Variants in GSE1 observed in about 807,000 individuals in gnomAD.
The protein encoded by GSE1 is genetic suppressor element 1.
A neutral mutation model predicts 112.6 loss-of-function variants in GSE1; 32 were observed. The ratio of observed to expected loss-of-function variants is 0.28; its 90% CI spans 0.21 to 0.38. The LOEUF is 0.38. Among genes scored for constraint, GSE1 ranks in the 10% least tolerant of loss-of-function variants. GSE1 has a pLI of 1.00. For synonymous variants in GSE1, 1,115 were observed against 735.6 expected (o/e 1.52, Z -8.35); for missense variants, 2,348 against 1,699.2 (o/e 1.38, Z -6.71).
At position 85,519,502 on chromosome 16, in the gene GSE1, ATCACCGGTCTCCATCATCATCACCT is replaced by A. The variant is rs1347658306; in HGVS notation, c.2465-114406_2465-114382del. Among the ~76,000 whole-genome samples, 2 of 6,460 alleles carry A rather than the reference ATCACCGGTCTCCATCATCATCACCT, an allele frequency of 3.1e-4. 1 individual carries two copies. The highest frequency in any genetic ancestry group is 4.7e-4 in the Non-Finnish European group (2 of 4,280). The allele number at this position is 6,460 out of a possible 152,430, so 4.2% of individuals were successfully genotyped here. ...TACCACCATCACTATCATCATCACCATCACCGGTCTCCATCATCATCACCTTCACCACCATCATCACTATTACCAC... is the reference window on the plus strand; with the variant it reads ...TACCACCATCACTATCATCATCACCATCACCACCATCATCACTATTACCAC... On this transcript the variant is annotated intron_variant, in intron 2 of 2. Coordinates refer to the GSE1 transcript ENST00000637419.
chr16:85,550,051 C>G (rs1047294798), intron 2 of GSE1, among the ~76,000 whole-genome samples: 3 of 152,210 alleles, frequency 2.0e-5, no homozygotes, highest in African/African-American at 7.2e-5. Context: ...CTCATGGAGT[C>G]TCTGTGTGCC....
chr16:85,655,943 C>G (rs751369408), intron 6 of GSE1, 26 bp downstream of exon 6: 5 of 1,562,512 alleles, frequency 3.2e-6, no homozygotes, highest in Admixed American at 1.7e-5. Flanking sequence ...GCCGAGGAGC[C>G]CCTCTGCCCT....
chr16:85,336,687 C>T (rs1296522633), intron 1 of GSE1, among the ~76,000 whole-genome samples: 2 of 152,028 alleles, frequency 1.3e-5, no homozygotes, highest in Non-Finnish European at 2.9e-5. Context: ...CTGCACCCTC[C>T]GCCTCCTCAG....
intron 2 of GSE1, chr16:85,462,946 C>T (rs2151827461): frequency 5.2e-6 from 1 of 194,120 alleles, no homozygotes; most frequent in South Asian, 1.8e-4. Flanking sequence ...CCCGGGGCTC[C>T]ATCCCCGTCT....
upstream of GSE1, among the ~76,000 whole-genome samples, chr16:85,610,136 G>A (rs1489316288): frequency 6.6e-6 from 1 of 152,208 alleles, no homozygotes; most frequent in Non-Finnish European, 1.5e-5. Flanking sequence ...GGGGCCTCAG[G>A]GTGTGAGCAA....
intron 2 of GSE1, among the ~76,000 whole-genome samples, chr16:85,529,349 G>A (rs1410986262): frequency 6.6e-6 from 1 of 152,210 alleles, no homozygotes; most frequent in Non-Finnish European, 1.5e-5. Flanking sequence ...GGCCTCAGCA[G>A]GCCTCAGCCT....
intron 1 of GSE1, among the ~76,000 whole-genome samples, chr16:85,332,910 C>T (rs544699179): frequency 2.6e-5 from 4 of 152,094 alleles, no homozygotes; most frequent in Admixed American, 1.3e-4. Flanking sequence ...CCCCTTTATC[C>T]CCTGTACCAG....
intron 2 of GSE1, among the ~76,000 whole-genome samples, chr16:85,486,388 CT>C (rs1259140182): frequency 1.3e-5 from 2 of 152,248 alleles, no homozygotes; most frequent in Non-Finnish European, 2.9e-5. Flanking sequence ...GGACCCTCCC[CT>C]GTTCTCCCCG....
At position 85,232,354 on chromosome 16, in the gene GSE1, C is replaced by G. The variant is rs1036681202; in HGVS notation, c.2283+60547C>G. On this transcript the variant is annotated intron_variant, in intron 1 of 2. Coordinates refer to the GSE1 transcript ENST00000637419. ...CTTGACATCTACTCCCCTCGGACCT[C>G]CACCTTCCCAGGGGGAGGATGGGAA... is the stretch of plus-strand genomic sequence containing the variant. 2.0e-5 allele frequency among the ~76,000 whole-genome samples: 3 copies of G among 152,166 alleles called. No homozygotes were observed. In the South Asian group the frequency reaches 6.2e-4, roughly 32 times the overall value.
At chr16:85,316,543 G>A (rs2151491697) in intron 1 of GSE1, among the ~76,000 whole-genome samples, 1 of 152,308 alleles carries the variant, frequency 6.6e-6, no homozygotes, top group Non-Finnish European at 1.5e-5. Context: ...TCCCACTGGG[G>A]GAGGAGTCAC....
intron 2 of GSE1, among the ~76,000 whole-genome samples, chr16:85,516,013 A>G (rs1480874415): frequency 6.6e-6 from 1 of 152,132 alleles, no homozygotes; most frequent in Non-Finnish European, 1.5e-5. Flanking sequence ...GAGGAATAAA[A>G]TGCCAGTGCC....
chr16:85,321,738 C>T (rs868689780), intron 1 of GSE1, among the ~76,000 whole-genome samples: 1 of 151,002 alleles, frequency 6.6e-6, no homozygotes, highest in Non-Finnish European at 1.5e-5. Context: ...CGCTTGAGCC[C>T]AGGACTTTTG....
chr16:85,233,535 CAT>C (rs890991125), intron 1 of GSE1, among the ~76,000 whole-genome samples: 1 of 152,188 alleles, frequency 6.6e-6, no homozygotes, highest in African/African-American at 2.4e-5. Flanking sequence ...TTCATGCACA[CAT>C]GTTGTACAGT....
At chr16:85,332,963 A>AC (rs1210224694) in intron 1 of GSE1, among the ~76,000 whole-genome samples, 1 of 151,358 alleles carries the variant, frequency 6.6e-6, no homozygotes, top group African/African-American at 2.4e-5. Context: ...CTCAGACTGA[A>AC]CCCCCCTTGC....
At chr16:85,641,397 G>A (rs919043893) in intron 2 of GSE1, among the ~76,000 whole-genome samples, 23 of 152,154 alleles carry the variant, frequency 1.5e-4, no homozygotes, top group African/African-American at 5.1e-4. Context: ...TGGCAGGGTG[G>A]GCATGGGAGC....
intron 1 of GSE1, among the ~76,000 whole-genome samples, chr16:85,254,714 T>C (rs1480053447): frequency 6.6e-6 from 1 of 152,052 alleles, no homozygotes; most frequent in East Asian, 1.9e-4. Context: ...TGATTTGAAA[T>C]GGGAGGGTCT....
In GSE1 at chr16:85,297,068, A is replaced by G. The variant is rs187890232; in HGVS notation, c.2284-60395A>G. Among the ~76,000 whole-genome samples the G allele has an allele frequency of 3.3e-3, 497 of 152,092 alleles. 6 individuals carry two copies. Among genetic ancestry groups the G allele is most frequent in the African/African-American group, 0.011 (473 of 41,478 alleles). On this transcript the variant is annotated intron_variant, in intron 1 of 2. Coordinates refer to the GSE1 transcript ENST00000637419. ...CAAGCCTTCAGAACAGTGTGGGGCA[A>G]GGGGGATTGAGTGGGGAGGTTGGGG...
chr16:85,452,535 C>T (rs2049715724), intron 2 of GSE1, among the ~76,000 whole-genome samples: 1 of 152,246 alleles, frequency 6.6e-6, no homozygotes, highest in Non-Finnish European at 1.5e-5. Context: ...GGCCCAGAAG[C>T]CCCTGGTCTA....
chr16:85,508,431 G>C (rs142783619), intron 2 of GSE1, among the ~76,000 whole-genome samples: 53 of 152,310 alleles, frequency 3.5e-4, no homozygotes, highest in Non-Finnish European at 5.9e-4. Flanking sequence ...CCAGGGGCGA[G>C]AGGTGAGTTG....
Sources: allele counts gnomAD v4.1 joint callset (sites outside exome capture counted in the v4.1 genomes callset), GRCh38; gene constraint gnomAD v4.1.1; transcripts MANE v1.5; gene names NCBI Gene and HGNC (gene_info 2026-07-23, HGNC 2026-07-21).